Variants in XRCC4 observed in about 807,000 individuals in gnomAD.
The protein encoded by XRCC4 is DNA repair protein XRCC4.
Under a neutral mutation model 39.1 loss-of-function variants are expected in XRCC4, and 28 were observed. That is an observed-to-expected ratio of 0.72 (90% CI 0.53 to 0.98). The LOEUF (loss-of-function observed/expected upper bound fraction) is 0.98, where lower values mean the gene tolerates loss of function less well. Ranked by LOEUF, XRCC4 falls within the 50% of genes least tolerant of loss-of-function variation. XRCC4 has a pLI of 0.00. For missense variants in XRCC4, 350 were observed against 376.4 expected (o/e 0.93, Z 0.58); for synonymous variants, 123 against 126.4 (o/e 0.97, Z 0.18).
intron 6 of XRCC4, among the ~76,000 whole-genome samples, chr5:83,209,641 ATTAG>A (rs886607580): frequency 7.9e-5 from 12 of 152,036 alleles, no homozygotes; most frequent in African/African-American, 1.9e-4. Context: ...TTGGCTCCTA[ATTAG>A]TTAGCTATCA....
At chr5:83,126,742 G>T (rs1478809947) in intron 3 of XRCC4, among the ~76,000 whole-genome samples, 2 of 152,214 alleles carry the variant, frequency 1.3e-5, no homozygotes, top group Non-Finnish European at 2.9e-5. Context: ...GGTTTTAAAT[G>T]TGTGAGAGCT....
the XRCC4 span, among the ~76,000 whole-genome samples, chr5:83,367,825 T>C: frequency 6.6e-6 from 1 of 151,592 alleles, no homozygotes; most frequent in South Asian, 2.1e-4. Flanking sequence ...ACTCCTGACC[T>C]CAAGTGATCC....
chr5:83,226,309 A>G (rs1005722578), intron 6 of XRCC4, among the ~76,000 whole-genome samples: 2 of 152,082 alleles, frequency 1.3e-5, no homozygotes, highest in African/African-American at 4.8e-5. Context: ...TAAGTTAGTC[A>G]GAAACCAGGT....
chr5:83,298,275 T>A (rs1755161928), intron 7 of XRCC4, among the ~76,000 whole-genome samples: 2 of 151,770 alleles, frequency 1.3e-5, no homozygotes, highest in East Asian at 3.9e-4. Flanking sequence ...TATATATATA[T>A]GTATTTTTTT....
the XRCC4 span, among the ~76,000 whole-genome samples, chr5:83,368,264 C>T: frequency 2.0e-5 from 3 of 152,132 alleles, no homozygotes; most frequent in South Asian, 2.1e-4. Flanking sequence ...ACTACAGTTT[C>T]GTCATCTCCA....
intron 3 of XRCC4, among the ~76,000 whole-genome samples, chr5:83,160,773 C>T (rs1340850043): frequency 6.6e-6 from 1 of 152,110 alleles, no homozygotes; most frequent in African/African-American, 2.4e-5. Context: ...CAAGTACCAC[C>T]TCAGTGCCGC....
At chr5:83,294,593 A>G (rs969881314) in intron 7 of XRCC4, among the ~76,000 whole-genome samples, 1 of 152,084 alleles carries the variant, frequency 6.6e-6, no homozygotes, top group Non-Finnish European at 1.5e-5. Context: ...GATTGCCATT[A>G]GCAGCAAATT....
At chr5:83,193,967 T>G (rs28360123) in intron 3 of XRCC4, among the ~76,000 whole-genome samples, 2,307 of 152,276 alleles carry the variant, frequency 0.015, 57 homozygotes, top group African/African-American at 0.052. Flanking sequence ...TGAGTCTCGC[T>G]GTATCGCCCA....
chr5:83,198,852 A>G (rs1009394321), intron 4 of XRCC4, among the ~76,000 whole-genome samples: 2 of 152,164 alleles, frequency 1.3e-5, no homozygotes, highest in African/African-American at 2.4e-5. Context: ...TTAATTTTGT[A>G]TAGTGTAGAT....
chr5:83,191,770 T>C (rs2940545), intron 3 of XRCC4, among the ~76,000 whole-genome samples: 145,286 of 152,316 alleles, frequency 0.95, 69,301 homozygotes, highest in South Asian at 0.98. Flanking sequence ...CCGTGTAAGA[T>C]GTGACTTGCT....
chr5:83,127,718 ATGTAATAATATTTTTCTTCTGTT>A (rs966427022), intron 3 of XRCC4, among the ~76,000 whole-genome samples: 1 of 152,094 alleles, frequency 6.6e-6, no homozygotes, highest in African/African-American at 2.4e-5. Context: ...CCAGATTTCC[ATGTAATAATATTTTTCTTCTGTT>A]TGAAGGACTT....
At chr5:83,287,858 T>A (rs1580468411) in intron 7 of XRCC4, among the ~76,000 whole-genome samples, 1 of 151,912 alleles carries the variant, frequency 6.6e-6, no homozygotes, top group East Asian at 1.9e-4. Flanking sequence ...CTTTCTCTAG[T>A]TTACTAAGTT....
intron 3 of XRCC4, among the ~76,000 whole-genome samples, chr5:83,141,639 C>CT (rs28360069): frequency 0.48 from 73,047 of 151,236 alleles, 18,540 homozygotes; most frequent in African/African-American, 0.63. Context: ...TCTTTTTCCT[C>CT]TTTTTTTTCT....
At chr5:83,086,534 TTCA>T (rs1467343367) in intron 1 of XRCC4, among the ~76,000 whole-genome samples, 1 of 152,204 alleles carries the variant, frequency 6.6e-6, no homozygotes. Context: ...CATTCTTGTC[TTCA>T]TGTTGAGCTG....
intron 3 of XRCC4, among the ~76,000 whole-genome samples, chr5:83,191,268 C>G (rs886363655): frequency 8.5e-5 from 13 of 152,182 alleles, no homozygotes; most frequent in African/African-American, 2.7e-4. Context: ...GTGTCTCCAT[C>G]CATATCTCAT....
chr5:83,297,390 A>C (rs781511648), intron 7 of XRCC4, among the ~76,000 whole-genome samples: 1 of 151,972 alleles, frequency 6.6e-6, no homozygotes, highest in Non-Finnish European at 1.5e-5. Context: ...TATGTATATG[A>C]GGATTGTAGA....
At chr5:83,367,043 T>C in the XRCC4 span, among the ~76,000 whole-genome samples, 1 of 152,206 alleles carries the variant, frequency 6.6e-6, no homozygotes, top group East Asian at 1.9e-4. Flanking sequence ...TGTTTTGTTC[T>C]CTCCTACAAC....
intron 3 of XRCC4, among the ~76,000 whole-genome samples, chr5:83,193,716 AT>A (rs1444317556): frequency 1.3e-5 from 2 of 152,192 alleles, no homozygotes; most frequent in Non-Finnish European, 2.9e-5. Flanking sequence ...AACTTTTCAA[AT>A]GTTAAAAAAA....
intron 7 of XRCC4, among the ~76,000 whole-genome samples, chr5:83,259,827 T>A (rs952706755): frequency 1.3e-5 from 2 of 151,786 alleles, no homozygotes; most frequent in African/African-American, 4.8e-5. Context: ...CCCTCAAAAA[T>A]TTTTTAAAGT....
Sources: allele counts gnomAD v4.1 joint callset (sites outside exome capture counted in the v4.1 genomes callset), GRCh38; gene constraint gnomAD v4.1.1; transcripts MANE v1.5; gene names NCBI Gene and HGNC (gene_info 2026-07-23, HGNC 2026-07-21).